The following PARPBP variants were observed in gnomAD, a reference collection of about 807,000 sequenced individuals.
PARPBP encodes the protein PARP1 binding protein, also known as PCNA-interacting partner.
PARPBP carries 52 observed loss-of-function variants against 50.0 expected under a neutral mutation model. The observed-to-expected ratio is 1.04, with a 90% CI of 0.83 to 1.31. PARPBP has a LOEUF of 1.31. Ranked by LOEUF, PARPBP falls within the 50% of genes most tolerant of loss-of-function variation. PARPBP has a pLI of 0.00. For synonymous variants in PARPBP, 244 were observed against 232.1 expected, an observed-to-expected ratio of 1.05 and a Z score of -0.47; for missense variants, 697 against 672.0, an observed-to-expected ratio of 1.04 and a Z score of -0.41.
At chr12:102,175,985 CTT>C (rs948256671) in intron 7 of PARPBP, among the ~76,000 whole-genome samples, 6 of 141,652 alleles carry the variant, frequency 4.2e-5, no homozygotes, top group Non-Finnish European at 4.7e-5. Flanking sequence ...CATAAATATT[CTT>C]TTTTTTTTTT....
chr12:102,181,729 C>G (rs1257335318), intron 8 of PARPBP, among the ~76,000 whole-genome samples: 1 of 152,078 alleles, frequency 6.6e-6, no homozygotes, highest in Non-Finnish European at 1.5e-5. Flanking sequence ...TTGTAAGTGT[C>G]TTCATCTCTT....
At chr12:102,166,247 T>C (rs1319205161) in intron 6 of PARPBP, among the ~76,000 whole-genome samples, 1 of 152,146 alleles carries the variant, frequency 6.6e-6, no homozygotes, top group Non-Finnish European at 1.5e-5. Context: ...AGTAAGAAAA[T>C]TGACAAAGAT....
At chr12:102,125,866 C>T (rs1341876513) in intron 2 of PARPBP, among the ~76,000 whole-genome samples, 1 of 152,100 alleles carries the variant, frequency 6.6e-6, no homozygotes, top group Non-Finnish European at 1.5e-5. Context: ...CAAGCTGAGC[C>T]CCTCAGTTGT....
rs1305601225 is a variant in PARPBP at position 102,178,727 on chromosome 12, AAC to A, written c.1145_1146del (p.Thr382AsnfsTer13). On this transcript the variant is annotated frameshift_variant, in exon 8 of 11. Coordinates refer to ENST00000327680, the MANE Select transcript of PARPBP (RefSeq NM_017915.5). LOFTEE classifies it high-confidence loss of function. ...NKAELLYDEENTIHHHGTSIL... is the reference protein window; with the variant it reads ...NKAELLYDEEXTIHHHGTSIL... Reference sequence around the variant, plus strand: ...AGCAGAGCTTTTATATGATGAGGAAAACACAATCCATCATCATGGAACGTCTA... The same window carrying A: ...AGCAGAGCTTTTATATGATGAGGAAAACAATCCATCATCATGGAACGTCTA... 1.2e-6 allele frequency: 2 copies of A among 1,612,902 alleles called. No individual in the cohort carries two copies. Among genetic ancestry groups the A allele is most frequent in the Non-Finnish European group, 8.5e-7 (1 of 1,179,388 alleles).
intron 3 of PARPBP, among the ~76,000 whole-genome samples, chr12:102,149,410 T>A (rs1885893744): frequency 6.6e-6 from 1 of 152,188 alleles, no homozygotes; most frequent in Admixed American, 6.5e-5. Flanking sequence ...TGCTCGCCCA[T>A]TTTAGTCCTT....
chr12:102,147,340 G>C (rs1388798615), intron 2 of PARPBP, among the ~76,000 whole-genome samples: 2 of 152,046 alleles, frequency 1.3e-5, no homozygotes, highest in Non-Finnish European at 2.9e-5. Context: ...TGATAGACTG[G>C]ATTAAGAAAA....
chr12:102,171,386 C>A (rs947279122), intron 6 of PARPBP, among the ~76,000 whole-genome samples: 3 of 151,998 alleles, frequency 2.0e-5, no homozygotes, highest in African/African-American at 7.2e-5. Context: ...CATCACTAGG[C>A]AATAGGAATT....
In PARPBP at chr12:102,189,885, A is replaced by G. The variant is rs376659097; in HGVS notation, c.1264-5427A>G. ...GTAAACGGTGGAAATTAAGCAGCTT[A>G]AGGAATTCAGCTGCATGGTTCTTTG... On this transcript the variant is annotated intron_variant, in intron 9 of 10. Coordinates refer to ENST00000327680, the MANE Select transcript of PARPBP (RefSeq NM_017915.5). Among the ~76,000 whole-genome samples the G allele has an allele frequency of 2.2e-3, 340 of 152,256 alleles. 2 individuals are homozygous for G. Among genetic ancestry groups the G allele is most frequent in the African/African-American group, 7.8e-3 (324 of 41,556 alleles).
At chr12:102,161,686 C>T (rs369606683) in intron 4 of PARPBP, among the ~76,000 whole-genome samples, 32 of 151,954 alleles carry the variant, frequency 2.1e-4, no homozygotes, top group African/African-American at 6.8e-4. Context: ...TTTGGGAGGT[C>T]AAGGCAGGAG....
intron 2 of PARPBP, among the ~76,000 whole-genome samples, chr12:102,136,985 C>T (rs1170320089): frequency 6.6e-6 from 1 of 151,912 alleles, no homozygotes; most frequent in African/African-American, 2.4e-5. Context: ...GACAGAGTCT[C>T]ACTCTGTCAC....
At chr12:102,132,763 A>C (rs922392426) in intron 2 of PARPBP, among the ~76,000 whole-genome samples, 2 of 152,204 alleles carry the variant, frequency 1.3e-5, no homozygotes, top group Admixed American at 1.3e-4. Flanking sequence ...CATTTTAACA[A>C]TATTAATTCT....
At chr12:102,182,317 C>A (rs759863177) in intron 8 of PARPBP, among the ~76,000 whole-genome samples, 28 of 152,212 alleles carry the variant, frequency 1.8e-4, no homozygotes, top group South Asian at 1.0e-3. Context: ...CAGCTAATTC[C>A]ATGTTTAAGA....
At chr12:102,154,107 A>G (rs908387378) in intron 4 of PARPBP, 131 bp downstream of exon 4, 11 of 570,324 alleles carry the variant, frequency 1.9e-5, no homozygotes, top group Admixed American at 2.9e-5. Context: ...TTAAAACTGT[A>G]TTCGCAAAGA....
At chr12:102,160,772 A>T (rs1302116782) in intron 4 of PARPBP, among the ~76,000 whole-genome samples, 1 of 152,008 alleles carries the variant, frequency 6.6e-6, no homozygotes, top group African/African-American at 2.4e-5. Context: ...AACATGGAGA[A>T]ATCCCGTCTC....
At chr12:102,167,072 C>T (rs904660609) in intron 6 of PARPBP, among the ~76,000 whole-genome samples, 1 of 152,030 alleles carries the variant, frequency 6.6e-6, no homozygotes, top group South Asian at 2.1e-4. Context: ...GGAAAGTCCC[C>T]TGTCATCTTT....
intron 6 of PARPBP, among the ~76,000 whole-genome samples, chr12:102,172,706 A>G (rs1232377598): frequency 6.6e-6 from 1 of 152,218 alleles, no homozygotes; most frequent in Non-Finnish European, 1.5e-5. Flanking sequence ...TGTCATGTAG[A>G]AGGAATGAGA....
intron 2 of PARPBP, among the ~76,000 whole-genome samples, chr12:102,146,968 T>A (rs1885448900): frequency 1.3e-5 from 2 of 151,770 alleles, no homozygotes; most frequent in Admixed American, 1.3e-4. Context: ...CATGAAAAAA[T>A]GCTCACCGTC....
Position 102,123,963 on chromosome 12 carries a change from C to G in PARPBP, c.75C>G (p.Asn25Lys). ...EFRKNWRALCNSERTTLCGAD... is the reference protein window; with the variant it reads ...EFRKNWRALCKSERTTLCGAD... ...GAAAAAATTGGCGTGCTCTTTGTAACTCTGAGAGAACTACTCTATGTGGTG... is the reference window on the plus strand; with the variant it reads ...GAAAAAATTGGCGTGCTCTTTGTAAGTCTGAGAGAACTACTCTATGTGGTG... The change falls in exon 2 of 11, where the codon AAC becomes AAG. Residue 25 changes from asparagine to lysine, a missense_variant. Physicochemically the swap from Asn to Lys is moderately conservative, Grantham distance 94 (BLOSUM62 0). Transcript: ENST00000327680. 6.5e-7 allele frequency: 1 copy of G among 1,534,400 alleles called. No homozygotes were observed. The highest frequency in any genetic ancestry group is 8.7e-7 in the Non-Finnish European group (1 of 1,145,394).
chr12:102,127,451 T>C (rs1882186477), intron 2 of PARPBP, among the ~76,000 whole-genome samples: 1 of 152,080 alleles, frequency 6.6e-6, no homozygotes, highest in Admixed American at 6.6e-5. Flanking sequence ...GAGAGTGCCA[T>C]TTTTTTATCC....
Sources: allele counts gnomAD v4.1 joint callset (sites outside exome capture counted in the v4.1 genomes callset), GRCh38; gene constraint gnomAD v4.1.1; transcripts MANE v1.5; gene names NCBI Gene and HGNC (gene_info 2026-07-23, HGNC 2026-07-21).